The following GRID2 variants were observed in gnomAD, a reference collection of about 807,000 sequenced individuals.
GRID2 encodes glutamate ionotropic receptor delta type subunit 2, also known as glutamate receptor ionotropic, delta-2.
In GRID2, 33 loss-of-function variants were observed where a neutral mutation model predicts 114.8. The observed-to-expected ratio is 0.29, with a 90% CI of 0.22 to 0.38. The LOEUF (loss-of-function observed/expected upper bound fraction) is 0.38, where lower values mean the gene tolerates loss of function less well. GRID2 is among the 10% of genes least tolerant of loss of function. The pLI is 1.00. For synonymous variants in GRID2, 505 were observed against 449.9 expected (o/e 1.12, Z -1.55); for missense variants, 1,184 against 1,257.7 (o/e 0.94, Z 0.89).
intron 1 of GRID2, among the ~76,000 whole-genome samples, chr4:93,791,207 TA>T (rs896022641): frequency 4.0e-5 from 6 of 151,568 alleles, no homozygotes; most frequent in Admixed American, 6.6e-5. Context: ...CAATATAAAA[TA>T]AAAAAAAACC....
intron 1 of GRID2, among the ~76,000 whole-genome samples, chr4:92,551,268 G>A (rs1579567095): frequency 6.6e-6 from 1 of 150,814 alleles, no homozygotes; most frequent in East Asian, 1.9e-4. Flanking sequence ...GTGTGTGTGT[G>A]TGTGTGTGTG....
At chr4:92,793,581 G>A (rs1164626826) in intron 2 of GRID2, among the ~76,000 whole-genome samples, 2 of 151,580 alleles carry the variant, frequency 1.3e-5, no homozygotes, top group Non-Finnish European at 2.9e-5. Context: ...GTTGAAGTAG[G>A]AATGAATGTC....
chr4:93,798,631 T>A (rs1483730791), intron 1 of GRID2, among the ~76,000 whole-genome samples: 1 of 152,222 alleles, frequency 6.6e-6, no homozygotes, highest in Non-Finnish European at 1.5e-5. Context: ...AAAAAATCTG[T>A]CCTTTTAAAT....
Position 92,485,454 on chromosome 4 carries a change from C to T in GRID2, c.89-104677C>T, listed in dbSNP as rs182590057. Among the ~76,000 whole-genome samples, 62 of 150,332 alleles carry T rather than the reference C, an allele frequency of 4.1e-4. No individual in the cohort carries two copies. In the East Asian group the frequency reaches 9.6e-3, roughly 23 times the overall value. On this transcript the variant is annotated intron_variant, in intron 1 of 15. Coordinates refer to ENST00000282020, the MANE Select transcript of GRID2 (RefSeq NM_001510.4). The stretch of plus-strand genomic sequence containing the variant: ...GTGACTCACACCTGTAATCCCAGCA[C>T]TTTGGGAGGCCCAGGTGGGTGGATC...
intron 2 of GRID2, among the ~76,000 whole-genome samples, chr4:92,697,935 CAG>C (rs766942219): frequency 5.3e-5 from 8 of 152,064 alleles, no homozygotes; most frequent in East Asian, 1.9e-4. Flanking sequence ...AAAATTAAAA[CAG>C]AGGTAGGTAG....
chr4:92,589,697 T>C (rs1237320398), intron 1 of GRID2, among the ~76,000 whole-genome samples: 1 of 148,632 alleles, frequency 6.7e-6, no homozygotes, highest in Non-Finnish European at 1.5e-5. Flanking sequence ...GAAAAATAAA[T>C]TAAGATCGCA....
At chr4:92,771,084 C>T (rs1036349943) in intron 2 of GRID2, among the ~76,000 whole-genome samples, 3 of 151,588 alleles carry the variant, frequency 2.0e-5, no homozygotes, top group Non-Finnish European at 4.4e-5. Flanking sequence ...GTATTAAAGT[C>T]TCTGAGCAGT....
chr4:93,785,078 C>A (rs564208410), intron 1 of GRID2, among the ~76,000 whole-genome samples: 34 of 152,094 alleles, frequency 2.2e-4, no homozygotes, highest in Non-Finnish European at 4.3e-4. Flanking sequence ...ATCCAAGTCA[C>A]CGTGGAGGGT....
At chr4:93,679,148 C>T (rs1486128748) in intron 14 of GRID2, among the ~76,000 whole-genome samples, 1 of 151,104 alleles carries the variant, frequency 6.6e-6, no homozygotes, top group Non-Finnish European at 1.5e-5. Flanking sequence ...ATAAAACAGA[C>T]TTTAAACCAA....
rs1337093340 is a variant in GRID2, at chr4:92,304,099, C to T, written c.-558C>T. 1 of 157,682 alleles carries T rather than the reference C, an allele frequency of 6.3e-6. No homozygotes were observed. The highest frequency in any genetic ancestry group is 1.4e-5 in the Non-Finnish European group (1 of 72,098). 9.8% of individuals were successfully genotyped at this position (157,682 alleles called of 1,614,324 possible). A position where few individuals can be genotyped will look rare whatever the true frequency, so the allele number is the denominator to read the frequency against. On this transcript the variant is annotated 5_prime_UTR_variant, in exon 1 of 16. Coordinates refer to ENST00000282020, the MANE Select transcript of GRID2 (RefSeq NM_001510.4). ...CCCTCTTGGAGAGGGCTTTTTTCCC[C>T]CCTCCCTGGTGGAATCTGGCTGCTC...
intron 14 of GRID2, among the ~76,000 whole-genome samples, chr4:93,655,450 G>T (rs979776505): frequency 1.3e-5 from 2 of 151,866 alleles, no homozygotes; most frequent in Non-Finnish European, 2.9e-5. Flanking sequence ...CAGATCCACT[G>T]TTTGGAAAAT....
rs531795706 is a variant in GRID2 at position 92,674,697 on chromosome 4, A to G, written c.244+84411A>G. Among the ~76,000 whole-genome samples, 4 of 151,854 alleles carry G rather than the reference A, an allele frequency of 2.6e-5. No homozygotes were observed. In the South Asian group the frequency reaches 8.3e-4, roughly 32 times the overall value. On this transcript the variant is annotated intron_variant, in intron 2 of 15. Transcript: ENST00000282020. ...CCACCATGCCCAGCTAATTTTTTGT[A>G]TTTTTAGTAGAGATGGGGTTTCACC...
intron 2 of GRID2, among the ~76,000 whole-genome samples, chr4:92,841,182 T>A (rs1655929149): frequency 6.6e-6 from 1 of 152,080 alleles, no homozygotes; most frequent in Non-Finnish European, 1.5e-5. Flanking sequence ...ATTGCAAAAT[T>A]TTGCTTCCAC....
At chr4:92,735,689 A>G (rs1043339700) in intron 2 of GRID2, among the ~76,000 whole-genome samples, 2 of 152,058 alleles carry the variant, frequency 1.3e-5, no homozygotes, top group Non-Finnish European at 2.9e-5. Context: ...CTTCTTTTTC[A>G]ATTGTATGAA....
intron 13 of GRID2, among the ~76,000 whole-genome samples, chr4:93,593,156 G>T (rs13150659): frequency 0.2 from 29,043 of 146,952 alleles, 3,189 homozygotes; most frequent in Middle Eastern, 0.32. Flanking sequence ...GTCTCGATGG[G>T]CTTTACATTT....
chr4:92,678,021 C>T (rs1202262241), intron 2 of GRID2, among the ~76,000 whole-genome samples: 2 of 152,078 alleles, frequency 1.3e-5, no homozygotes, highest in Non-Finnish European at 2.9e-5. Context: ...AAACCAAGTA[C>T]CTTACCACCT....
At chr4:93,366,361 G>A (rs1313102998) in intron 8 of GRID2, among the ~76,000 whole-genome samples, 3 of 152,096 alleles carry the variant, frequency 2.0e-5, no homozygotes, top group East Asian at 1.9e-4. Flanking sequence ...GGTCGAGACT[G>A]CAGAGGTGAG....
intron 2 of GRID2, among the ~76,000 whole-genome samples, chr4:93,046,310 A>G (rs1318800354): frequency 1.3e-5 from 2 of 152,056 alleles, no homozygotes. Context: ...GGCATCTGGC[A>G]TCTAGCTTTT....
chr4:93,031,372 T>A (rs1696239062), intron 2 of GRID2, among the ~76,000 whole-genome samples: 1 of 152,060 alleles, frequency 6.6e-6, no homozygotes, highest in Admixed American at 6.6e-5. Flanking sequence ...CGGATATAAT[T>A]AAAAATCCAC....
Sources: gnomAD v4.1 joint callset for allele counts (sites outside exome capture counted in the v4.1 genomes callset) on GRCh38, gnomAD v4.1.1 for gene constraint, MANE v1.5 for transcripts, NCBI Gene and HGNC (gene_info 2026-07-23, HGNC 2026-07-21) for gene names.